The following CPA6 variants were observed in gnomAD, a reference collection of about 807,000 sequenced individuals.
The protein encoded by CPA6 is carboxypeptidase A6.
Under a neutral mutation model 63.3 loss-of-function variants are expected in CPA6, and 58 were observed. That is an observed-to-expected ratio of 0.92 (90% confidence interval 0.74 to 1.14). The LOEUF (loss-of-function observed/expected upper bound fraction) is 1.14. Among genes scored for constraint, CPA6 ranks in the 50% most tolerant of loss-of-function variants. CPA6 has a pLI of 0.00. For missense variants in CPA6, 565 were observed against 526.6 expected (o/e 1.07, Z -0.71); for synonymous variants, 185 against 179.0 (o/e 1.03, Z -0.27).
chr8:67,702,915 T>G (rs1817055998), intron 1 of CPA6, among the ~76,000 whole-genome samples: 1 of 152,046 alleles, frequency 6.6e-6, no homozygotes, highest in African/African-American at 2.4e-5. Flanking sequence ...CAAGTGTACT[T>G]TACTTCCTTT....
intron 2 of CPA6, among the ~76,000 whole-genome samples, chr8:67,599,770 A>G (rs1004470001): frequency 1.3e-5 from 2 of 152,250 alleles, no homozygotes; most frequent in Non-Finnish European, 2.9e-5. Flanking sequence ...TGCAATCTGA[A>G]GAATGCCATG....
intron 6 of CPA6, among the ~76,000 whole-genome samples, chr8:67,492,331 GA>G (rs910915559): frequency 3.3e-5 from 5 of 150,598 alleles, no homozygotes; most frequent in Non-Finnish European, 5.9e-5. Flanking sequence ...AAGTACAAAG[GA>G]AAAAAAAATA....
intron 8 of CPA6, among the ~76,000 whole-genome samples, chr8:67,453,139 G>A (rs1563958803): frequency 6.6e-6 from 1 of 151,914 alleles, no homozygotes; most frequent in Non-Finnish European, 1.5e-5. Context: ...GGGGGGCAAG[G>A]GTAGCAGCTG....
At chr8:67,681,395 G>A (rs1387799426) in intron 1 of CPA6, among the ~76,000 whole-genome samples, 1 of 149,714 alleles carries the variant, frequency 6.7e-6, no homozygotes, top group Non-Finnish European at 1.5e-5. Context: ...ATTTTTAGTA[G>A]AGACGGGGTT....
intron 6 of CPA6, among the ~76,000 whole-genome samples, chr8:67,500,824 T>C (rs1811817298): frequency 6.6e-6 from 1 of 152,008 alleles, no homozygotes; most frequent in African/African-American, 2.4e-5. Flanking sequence ...AAAGGCTGTC[T>C]TTCCTCCTTT....
intron 2 of CPA6, among the ~76,000 whole-genome samples, chr8:67,615,840 G>T (rs919973820): frequency 2.6e-5 from 4 of 152,218 alleles, no homozygotes; most frequent in Admixed American, 6.5e-5. Context: ...CAGTATTTTA[G>T]CCTAGGTTTC....
At chr8:67,567,096 G>C (rs975312623) in intron 2 of CPA6, among the ~76,000 whole-genome samples, 1 of 152,198 alleles carries the variant, frequency 6.6e-6, no homozygotes, top group Non-Finnish European at 1.5e-5. Context: ...GAGAGTAGTA[G>C]ACTTACAGTA....
Position 67,685,403 on chromosome 8 carries a change from G to A in CPA6, c.116+60611C>T, listed in dbSNP as rs190356415. Among the ~76,000 whole-genome samples the A allele has an allele frequency of 7.1e-3, 1,084 of 152,210 alleles. 19 individuals are homozygous for A. Among genetic ancestry groups the A allele is most frequent in the African/African-American group, 0.025 (1,025 of 41,528 alleles). ...GAGGCCGAGGCAGGTGGATCACGAG[G>A]TCAGGAGATCAAGACCATCCTGGCT... On this transcript the variant is annotated intron_variant, in intron 1 of 10. Coordinates refer to ENST00000297770, the MANE Select transcript of CPA6 (RefSeq NM_020361.5).
intron 1 of CPA6, among the ~76,000 whole-genome samples, chr8:67,679,157 A>G (rs1444631372): frequency 6.6e-6 from 1 of 152,226 alleles, no homozygotes; most frequent in Admixed American, 6.5e-5. Flanking sequence ...CTGAGGAGTC[A>G]TTTAACAGAA....
chr8:67,518,014 C>G lies in CPA6; in HGVS notation c.226G>C (p.Val76Leu). ...ACATCAGTAACTGTTCCCTCTGATA[C>G]ATAGGAGATACTGCTGGGCTGCCAC... ...DLWQPSSISY[V>L]SEGTVTDVHI... Residue 76 changes from valine to leucine, a missense_variant, in exon 3 of 11, where the codon GTA becomes CTA. By Grantham distance (32) the Val-to-Leu change is conservative (BLOSUM62 1). Coordinates refer to ENST00000297770, the MANE Select transcript of CPA6 (RefSeq NM_020361.5). 1 of 1,611,044 alleles carries G rather than the reference C, an allele frequency of 6.2e-7. No individual in the cohort carries two copies. Among genetic ancestry groups the G allele is most frequent in the Non-Finnish European group, 8.5e-7 (1 of 1,178,980 alleles).
Position 67,506,852 on chromosome 8 carries a change from T to C in CPA6, c.571A>G (p.Ile191Val). 1 of 1,613,656 alleles carries C rather than the reference T, an allele frequency of 6.2e-7. No homozygotes were observed. Among genetic ancestry groups the C allele is most frequent in the Non-Finnish European group, 8.5e-7 (1 of 1,179,668 alleles). Residue 191 changes from isoleucine (I) to valine (V), a missense_variant, in exon 6 of 11, where the codon ATA becomes GTA. By Grantham distance (29) the Ile-to-Val change is conservative. Coordinates refer to ENST00000297770, the MANE Select transcript of CPA6 (RefSeq NM_020361.5). ...RRSRLKRAVW[I>V]DCGIHAREWI... ...TCTCTTGCATGAATACCACAGTCTATCCAAACAGCTCTTTTGAGTCGTGAT... is the reference window on the plus strand; with the variant it reads ...TCTCTTGCATGAATACCACAGTCTACCCAAACAGCTCTTTTGAGTCGTGAT...
chr8:67,578,716 G>C (rs1813689494), intron 2 of CPA6, among the ~76,000 whole-genome samples: 1 of 151,982 alleles, frequency 6.6e-6, no homozygotes, highest in African/African-American at 2.4e-5. Flanking sequence ...ATCAATTTAG[G>C]AATAAGTAAA....
chr8:67,627,889 A>C (rs1815228775), intron 1 of CPA6, among the ~76,000 whole-genome samples: 1 of 152,184 alleles, frequency 6.6e-6, no homozygotes, highest in African/African-American at 2.4e-5. Context: ...CAGTTCAAAA[A>C]CTATTACCGA....
At chr8:67,525,948 T>C (rs531109611) in intron 2 of CPA6, among the ~76,000 whole-genome samples, 5 of 152,174 alleles carry the variant, frequency 3.3e-5, no homozygotes, top group Non-Finnish European at 7.4e-5. Context: ...ATGGTAACAC[T>C]GAAAGCCCAG....
At chr8:67,675,278 C>A (rs569908713) in intron 1 of CPA6, among the ~76,000 whole-genome samples, 3 of 152,230 alleles carry the variant, frequency 2.0e-5, no homozygotes, top group Admixed American at 6.5e-5. Flanking sequence ...ATAGACCTCT[C>A]CCAACGCTGG....
chr8:67,426,291 T>C (rs1436292399), intron 10 of CPA6, among the ~76,000 whole-genome samples: 1 of 152,256 alleles, frequency 6.6e-6, no homozygotes, highest in Non-Finnish European at 1.5e-5. Context: ...TCTATGGTAA[T>C]AGACTGTTCT....
At chr8:67,495,999 C>G (rs11997749) in intron 6 of CPA6, among the ~76,000 whole-genome samples, 4,533 of 152,256 alleles carry the variant, frequency 0.03, 225 homozygotes, top group African/African-American at 0.1. Flanking sequence ...GCCCACATAT[C>G]ATGCTCATTC....
rs55739926 is a variant in CPA6 at position 67,468,581 on chromosome 8, A to AAAAATAAAATAAAATAAAATAAAAT, written c.838+15162_838+15186dup. On this transcript the variant is annotated intron_variant, in intron 8 of 10. Coordinates refer to ENST00000297770, the MANE Select transcript of CPA6 (RefSeq NM_020361.5). The stretch of plus-strand genomic sequence containing the variant: ...GGCGACAAGAGCGAGACTCTGTCTC[A>AAAAATAAAATAAAATAAAATAAAAT]AAAATAAAATAAAATAAAATAAAAT... Among the ~76,000 whole-genome samples, 719 of 138,712 alleles carry AAAAATAAAATAAAATAAAATAAAAT rather than the reference A, an allele frequency of 5.2e-3. 10 individuals are homozygous for AAAAATAAAATAAAATAAAATAAAAT. The highest frequency in any genetic ancestry group is 0.018 in the African/African-American group (654 of 36,424). 91.0% of individuals were successfully genotyped at this position (138,712 alleles called of 152,430 possible). A position where few individuals can be genotyped will look rare whatever the true frequency, so the allele number is the denominator to read the frequency against.
intron 2 of CPA6, among the ~76,000 whole-genome samples, chr8:67,585,288 AT>A (rs1249131008): frequency 6.6e-6 from 1 of 152,086 alleles, no homozygotes; most frequent in African/African-American, 2.4e-5. Flanking sequence ...TGTGATAGAT[AT>A]TTTTACATAA....
Sources: allele counts gnomAD v4.1 joint callset (sites outside exome capture counted in the v4.1 genomes callset), GRCh38; gene constraint gnomAD v4.1.1; transcripts MANE v1.5; gene names NCBI Gene and HGNC (gene_info 2026-07-23, HGNC 2026-07-21).